The following CHRNA7 variants were observed in gnomAD, a reference collection of about 807,000 sequenced individuals.
CHRNA7 encodes the protein neuronal acetylcholine receptor subunit alpha-7.
CHRNA7 carries 17 observed loss-of-function variants against 48.0 expected under a neutral mutation model. The observed-to-expected ratio is 0.35, with a 90% CI of 0.24 to 0.53. The LOEUF is 0.53. CHRNA7 is among the 20% of genes least tolerant of loss of function. The pLI is 0.92. For synonymous variants in CHRNA7, 75 were observed against 242.3 expected, an observed-to-expected ratio of 0.31 and a Z score of 6.41; for missense variants, 155 against 577.7, an observed-to-expected ratio of 0.27 and a Z score of 7.50.
At chr15:32,124,350 AATAATT>A (rs754962826) in intron 4 of CHRNA7, among the ~76,000 whole-genome samples, 76 of 152,364 alleles carry the variant, frequency 5.0e-4, no homozygotes, top group Non-Finnish European at 1.0e-3. Context: ...AGTGCTCATG[AATAATT>A]ATGTTGCAGT....
At chr15:32,101,990 T>C (rs2050580780) in intron 3 of CHRNA7, 1 of 152,248 alleles carries the variant, frequency 6.6e-6, no homozygotes. Context: ...AAACACCATA[T>C]GAACAAGCCT....
intron 2 of CHRNA7, among the ~76,000 whole-genome samples, chr15:32,036,595 G>A (rs951156354): frequency 3.9e-5 from 6 of 152,118 alleles, no homozygotes; most frequent in African/African-American, 1.4e-4. Context: ...GTCAGCATTT[G>A]GTGTTGTCAG....
At chr15:32,051,167 C>T (rs968768067) in intron 2 of CHRNA7, among the ~76,000 whole-genome samples, 1 of 150,426 alleles carries the variant, frequency 6.6e-6, no homozygotes, top group Non-Finnish European at 1.5e-5. Context: ...AGAACCACTG[C>T]TCTCCTTAAA....
intron 4 of CHRNA7, chr15:32,112,480 C>T (rs774276465): frequency 5.4e-5 from 21 of 385,582 alleles, no homozygotes; most frequent in South Asian, 4.0e-4. Flanking sequence ...GTCGGTAAAC[C>T]AAGACAGTCT....
intron 4 of CHRNA7, among the ~76,000 whole-genome samples, chr15:32,141,674 C>T (rs979991586): frequency 6.6e-6 from 1 of 152,170 alleles, no homozygotes; most frequent in African/African-American, 2.4e-5. Context: ...ATTTTATTCT[C>T]TTTGTAGCAA....
chr15:32,146,355 G>A (rs1372195779), intron 4 of CHRNA7, among the ~76,000 whole-genome samples: 1 of 152,102 alleles, frequency 6.6e-6, no homozygotes, highest in African/African-American at 2.4e-5. Context: ...TCTAAACGTA[G>A]AATAAAATAA....
intron 2 of CHRNA7, among the ~76,000 whole-genome samples, chr15:32,040,835 T>G (rs1449267993): frequency 1.3e-5 from 2 of 152,066 alleles, no homozygotes; most frequent in Non-Finnish European, 2.9e-5. Context: ...AAGAACTTCT[T>G]TTAACATTTT....
chr15:32,067,631 T>C (rs1020818252), intron 2 of CHRNA7, among the ~76,000 whole-genome samples: 1 of 152,234 alleles, frequency 6.6e-6, no homozygotes, highest in African/African-American at 2.4e-5. Context: ...ATATATTTTG[T>C]GTTCATAACT....
chr15:32,058,602 C>T (rs1380641383), intron 2 of CHRNA7, among the ~76,000 whole-genome samples: 2 of 152,160 alleles, frequency 1.3e-5, no homozygotes, highest in Non-Finnish European at 2.9e-5. Context: ...AGGAAATGAA[C>T]ACAGAGTAGG....
At chr15:32,111,287 A>G (rs2050758456) in intron 3 of CHRNA7, 1 of 152,558 alleles carries the variant, frequency 6.6e-6, no homozygotes, top group Admixed American at 6.5e-5. Flanking sequence ...CCCTGTGACA[A>G]AATAAAAATT....
intron 4 of CHRNA7, among the ~76,000 whole-genome samples, chr15:32,117,130 G>A (rs1220703589): frequency 6.6e-6 from 1 of 152,204 alleles, no homozygotes. Flanking sequence ...ATGAGGGGAG[G>A]GGGAGTGAGA....
Position 32,101,354 on chromosome 15 carries a change from T to G in CHRNA7, c.240+7T>G. 1 of 1,591,894 alleles carries G rather than the reference T, an allele frequency of 6.3e-7. No individual in the cohort carries two copies. The highest frequency in any genetic ancestry group is 1.2e-5 in the South Asian group (1 of 84,838). On this transcript the variant is annotated splice_region_variant and intron_variant, in intron 3 of 9. Transcript: ENST00000306901. The stretch of plus-strand genomic sequence containing the variant: ...CAACATTTGGCTGCAAATGGTAAGT[T>G]AAGAGAATGACAATCTCTCCCATGG...
intron 2 of CHRNA7, among the ~76,000 whole-genome samples, chr15:32,049,436 A>C (rs1313015510): frequency 2.6e-5 from 4 of 152,174 alleles, no homozygotes. Flanking sequence ...TTGTTGGTTT[A>C]AAGTCTGTTT....
At chr15:32,050,229 C>G (rs1206821240) in intron 2 of CHRNA7, among the ~76,000 whole-genome samples, 1 of 152,194 alleles carries the variant, frequency 6.6e-6, no homozygotes, top group Non-Finnish European at 1.5e-5. Context: ...TGGATGATAT[C>G]CTGCAGAGTG....
At chr15:32,091,767 T>A (rs530032957) in intron 2 of CHRNA7, among the ~76,000 whole-genome samples, 16 of 152,330 alleles carry the variant, frequency 1.1e-4, no homozygotes, top group African/African-American at 3.6e-4. Context: ...ACTCCTGCAC[T>A]CTGCTATGGT....
At chr15:32,123,499 T>G (rs1042733274) in intron 4 of CHRNA7, among the ~76,000 whole-genome samples, 2 of 152,206 alleles carry the variant, frequency 1.3e-5, no homozygotes, top group Admixed American at 1.3e-4. Context: ...ATGAACATTA[T>G]TTTAAACTGA....
chr15:32,086,569 T>C (rs1459545950), intron 2 of CHRNA7, among the ~76,000 whole-genome samples: 1 of 152,146 alleles, frequency 6.6e-6, no homozygotes, highest in African/African-American at 2.4e-5. Flanking sequence ...TAAACTGAGG[T>C]CCGTACTTTA....
chr15:32,109,246 C>T (rs557023008), intron 3 of CHRNA7, among the ~76,000 whole-genome samples: 15 of 152,254 alleles, frequency 9.9e-5, no homozygotes, highest in Middle Eastern at 3.4e-3. Flanking sequence ...CCTGATGTTG[C>T]CTTGGCATTT....
intron 4 of CHRNA7, among the ~76,000 whole-genome samples, chr15:32,118,178 A>G (rs1168237859): frequency 6.6e-6 from 1 of 152,172 alleles, no homozygotes; most frequent in Non-Finnish European, 1.5e-5. Context: ...GCCCCTCCCC[A>G]TGCGATGCCT....
Sources: gnomAD v4.1 joint callset for allele counts (sites outside exome capture counted in the v4.1 genomes callset) on GRCh38, gnomAD v4.1.1 for gene constraint, MANE v1.5 for transcripts, NCBI Gene and HGNC (gene_info 2026-07-23, HGNC 2026-07-21) for gene names.